Variants in GRM1 observed in about 807,000 individuals in gnomAD.
GRM1 encodes glutamate metabotropic receptor 1, also known as metabotropic glutamate receptor 1.
GRM1 carries 33 observed loss-of-function variants against 90.9 expected under a neutral mutation model. The observed-to-expected ratio is 0.36, with a 90% confidence interval of 0.28 to 0.49. The LOEUF (loss-of-function observed/expected upper bound fraction) is 0.49, where lower values mean the gene tolerates loss of function less well. Ranked by LOEUF, GRM1 falls within the 20% of genes least tolerant of loss-of-function variation. GRM1 has a pLI of 0.99. For synonymous variants in GRM1, 700 were observed against 613.2 expected (o/e 1.14, Z -2.09); for missense variants, 1,190 against 1,534.3 (o/e 0.78, Z 3.75).
intron 3 of GRM1, 144 bp downstream of exon 3, chr6:146,304,990 A>G: frequency 1.4e-6 from 1 of 710,114 alleles, no homozygotes; most frequent in Non-Finnish European, 2.5e-6. Flanking sequence ...TGCTAGAATA[A>G]GGAGGAATTG....
chr6:146,176,220 A>G (rs1188162717), intron 2 of GRM1, among the ~76,000 whole-genome samples: 1 of 152,012 alleles, frequency 6.6e-6, no homozygotes, highest in East Asian at 1.9e-4. Context: ...AATAAAATAG[A>G]TTTCTCTAGG....
At chr6:146,158,340 A>T (rs1389081783) in intron 1 of GRM1, among the ~76,000 whole-genome samples, 1 of 152,188 alleles carries the variant, frequency 6.6e-6, no homozygotes, top group African/African-American at 2.4e-5. Flanking sequence ...TGAAATTTTG[A>T]TGAGGTTGAA....
At chr6:146,322,284 A>G (rs982422585) in intron 3 of GRM1, among the ~76,000 whole-genome samples, 4 of 152,168 alleles carry the variant, frequency 2.6e-5, no homozygotes, top group African/African-American at 9.6e-5. Context: ...TTCATCCCAG[A>G]GGGTACCCAC....
chr6:146,425,920 G>C (rs2114673884), intron 7 of GRM1, among the ~76,000 whole-genome samples: 1 of 152,226 alleles, frequency 6.6e-6, no homozygotes, highest in African/African-American at 2.4e-5. Flanking sequence ...CTGCCAAAGG[G>C]GCACAGAAGC....
intron 2 of GRM1, among the ~76,000 whole-genome samples, chr6:146,246,471 A>G (rs1781063295): frequency 1.3e-5 from 2 of 152,136 alleles, no homozygotes; most frequent in African/African-American, 4.8e-5. Flanking sequence ...ATGGATGTAC[A>G]CTCTCAGCAA....
At chr6:146,415,810 T>A (rs907436107) in intron 7 of GRM1, among the ~76,000 whole-genome samples, 1 of 152,348 alleles carries the variant, frequency 6.6e-6, no homozygotes, top group African/African-American at 2.4e-5. Flanking sequence ...TGCTGAGAAA[T>A]TGATCACAAA....
intron 7 of GRM1, among the ~76,000 whole-genome samples, chr6:146,406,107 A>T (rs1777338228): frequency 1.3e-5 from 2 of 152,204 alleles, no homozygotes; most frequent in Admixed American, 1.3e-4. Context: ...GTAATATCTG[A>T]GAAAAGAGGT....
intron 2 of GRM1, among the ~76,000 whole-genome samples, chr6:146,256,752 C>A (rs185191971): frequency 2.2e-3 from 329 of 152,280 alleles, no homozygotes; most frequent in Non-Finnish European, 3.7e-3. Flanking sequence ...GGATTCTCAA[C>A]TCCAGGCTTT....
intron 1 of GRM1, among the ~76,000 whole-genome samples, chr6:146,075,282 T>C (rs1776147001): frequency 6.6e-6 from 1 of 152,202 alleles, no homozygotes; most frequent in Non-Finnish European, 1.5e-5. Context: ...AAAGCACAAC[T>C]GTTCCTTATT....
In GRM1 at chr6:146,434,162, G is replaced by A; in HGVS notation, c.2951G>A (p.Ser984Asn). 6.2e-7 allele frequency: 1 copy of A among 1,613,824 alleles called. No homozygotes were observed. The highest frequency in any genetic ancestry group is 8.5e-7 in the Non-Finnish European group (1 of 1,179,736). ...ATGGTGGTGCACAGGCGCGTGCCAAGCGCGGCGACCACTCCGCCTCTGCCG... is the reference window on the plus strand; with the variant it reads ...ATGGTGGTGCACAGGCGCGTGCCAAACGCGGCGACCACTCCGCCTCTGCCG... ...PSMVVHRRVP[S>N]AATTPPLPSH... Residue 984 changes from serine to asparagine, a missense_variant, in exon 8 of 8, where the codon AGC (serine) becomes AAC (asparagine). Ser to Asn is a conservative substitution (Grantham distance 46, BLOSUM62 1). Around this residue, in one of 10 missense-constraint regions of GRM1, gnomAD observed 400 missense variants for 360.8 expected, o/e 1.11. Coordinates refer to ENST00000282753, the MANE Select transcript of GRM1 (RefSeq NM_001278064.2).
At chr6:146,374,280 C>T (rs1257851341) in intron 5 of GRM1, among the ~76,000 whole-genome samples, 2 of 151,802 alleles carry the variant, frequency 1.3e-5, no homozygotes, top group Admixed American at 6.6e-5. Flanking sequence ...ACTATTTTGT[C>T]GAGGATTTTT....
intron 1 of GRM1, among the ~76,000 whole-genome samples, chr6:146,066,484 C>T (rs780351780): frequency 1.8e-4 from 27 of 152,102 alleles, no homozygotes; most frequent in Non-Finnish European, 2.9e-4. Context: ...GATTCCATGT[C>T]TTTGCCATTG....
intron 2 of GRM1, among the ~76,000 whole-genome samples, chr6:146,187,554 G>T (rs2114568889): frequency 6.6e-6 from 1 of 152,088 alleles, no homozygotes; most frequent in East Asian, 1.9e-4. Flanking sequence ...CATGGCAAAA[G>T]ATCATATTCT....
At chr6:146,425,617 A>G (rs763235561) in intron 7 of GRM1, among the ~76,000 whole-genome samples, 3 of 152,222 alleles carry the variant, frequency 2.0e-5, no homozygotes, top group Non-Finnish European at 4.4e-5. Flanking sequence ...GAACTGCATC[A>G]TGGCCAGAGT....
chr6:146,205,758 T>G (rs1779473414), intron 2 of GRM1, among the ~76,000 whole-genome samples: 1 of 152,192 alleles, frequency 6.6e-6, no homozygotes, highest in African/African-American at 2.4e-5. Context: ...GCACACACTT[T>G]TTCTGAAGGC....
intron 7 of GRM1, among the ~76,000 whole-genome samples, chr6:146,412,525 A>G (rs1426287446): frequency 6.6e-6 from 1 of 152,196 alleles, no homozygotes; most frequent in African/African-American, 2.4e-5. Flanking sequence ...TACTACATTC[A>G]TATGGCATCA....
At chr6:146,306,437 A>G (rs2114930355) in intron 3 of GRM1, among the ~76,000 whole-genome samples, 1 of 152,314 alleles carries the variant, frequency 6.6e-6, no homozygotes, top group East Asian at 1.9e-4. Flanking sequence ...CTCCTAGACA[A>G]CATAGTGCCT....
intron 2 of GRM1, among the ~76,000 whole-genome samples, chr6:146,232,919 C>G (rs1328968542): frequency 1.3e-5 from 2 of 151,776 alleles, no homozygotes; most frequent in African/African-American, 4.8e-5. Context: ...TAGAGCTGTT[C>G]ATAGCATTCC....
At chr6:146,376,701 T>C (rs1022531012) in intron 5 of GRM1, among the ~76,000 whole-genome samples, 1 of 152,170 alleles carries the variant, frequency 6.6e-6, no homozygotes, top group African/African-American at 2.4e-5. Flanking sequence ...ACTTTTAGAA[T>C]CCTTTCTTCA....
Sources: gnomAD v4.1 joint callset for allele counts (sites outside exome capture counted in the v4.1 genomes callset) on GRCh38, gnomAD v4.1.1 for gene constraint, gnomAD v4.1.1 regional missense constraint, MANE v1.5 for transcripts, NCBI Gene and HGNC (gene_info 2026-07-23, HGNC 2026-07-21) for gene names.